Variants in PTPRD observed in about 807,000 individuals in gnomAD.
PTPRD encodes receptor-type tyrosine-protein phosphatase delta.
Under a neutral mutation model 214.5 loss-of-function variants are expected in PTPRD, and 34 were observed. The observed-to-expected ratio is 0.16, with a 90% CI of 0.12 to 0.21. The LOEUF (loss-of-function observed/expected upper bound fraction) is 0.21. Ranked by LOEUF, PTPRD falls within the 10% of genes least tolerant of loss-of-function variation. PTPRD has a pLI of 1.00. For missense variants in PTPRD, 2,545 were observed against 2,398.7 expected (o/e 1.06, Z -1.27); for synonymous variants, 1,128 against 845.7 (o/e 1.33, Z -5.79).
chr9:9,045,550 AG>A (rs1348827557), intron 10 of PTPRD, among the ~76,000 whole-genome samples: 1 of 152,190 alleles, frequency 6.6e-6, no homozygotes, highest in Non-Finnish European at 1.5e-5. Context: ...TGCAGGAGCA[AG>A]AACAGCCCAT....
chr9:10,502,756 A>G (rs2044210462), intron 2 of PTPRD, among the ~76,000 whole-genome samples: 1 of 152,098 alleles, frequency 6.6e-6, no homozygotes, highest in African/African-American at 2.4e-5. Flanking sequence ...GTAGTTATCT[A>G]GCAAAGAAAC....
intron 7 of PTPRD, among the ~76,000 whole-genome samples, chr9:9,607,616 C>T (rs1285142487): frequency 3.3e-5 from 5 of 152,056 alleles, no homozygotes; most frequent in Non-Finnish European, 5.9e-5. Flanking sequence ...ATTTGAAACG[C>T]CTGAGAGGAG....
chr9:8,396,472 T>C (rs1195455956), intron 36 of PTPRD, among the ~76,000 whole-genome samples: 1 of 151,958 alleles, frequency 6.6e-6, no homozygotes, highest in Non-Finnish European at 1.5e-5. Context: ...CTCAGAGTAA[T>C]GAAGTGTAGA....
At chr9:9,908,596 G>A (rs1936990300) in intron 5 of PTPRD, among the ~76,000 whole-genome samples, 2 of 151,964 alleles carry the variant, frequency 1.3e-5, no homozygotes, top group Non-Finnish European at 2.9e-5. Flanking sequence ...TTCTGGATGA[G>A]GGAAATGGGT....
At chr9:10,420,839 T>C (rs1414005941) in intron 2 of PTPRD, among the ~76,000 whole-genome samples, 2 of 151,120 alleles carry the variant, frequency 1.3e-5, no homozygotes, top group Non-Finnish European at 3.0e-5. Flanking sequence ...AGGTACCTTC[T>C]TTTTTTTTAT....
Position 10,438,008 on chromosome 9 carries a change from C to CATATATATTATATATATATAT in PTPRD, c.-599-96992_-599-96991insATATATATATATAATATATAT, listed in dbSNP as rs1555347109. On this transcript the variant is annotated intron_variant, in intron 2 of 45. Transcript: ENST00000381196. Reference sequence around the variant, plus strand: ...CTGGACTATCAGCTCCCTAAGTCTACATATATATATATATATATATAGTGA... The same window carrying CATATATATTATATATATATAT: ...CTGGACTATCAGCTCCCTAAGTCTACATATATATTATATATATATATATATATATATATATATATATAGTGA... Among the ~76,000 whole-genome samples the CATATATATTATATATATATAT allele has an allele frequency of 1.6e-4, 20 of 125,150 alleles. 1 individual carries two copies. The highest frequency in any genetic ancestry group is 7.7e-4 in the African/African-American group (20 of 25,996). The allele number at this position is 125,150 out of a possible 152,430, so 82.1% of individuals were successfully genotyped here. A position where few individuals can be genotyped will look rare whatever the true frequency, so the allele number is the denominator to read the frequency against.
chr9:9,955,521 GTTTTGTTTTTTTTTT>G (rs374650099), intron 4 of PTPRD, among the ~76,000 whole-genome samples: 5,823 of 145,600 alleles, frequency 0.04, 147 homozygotes, highest in Non-Finnish European at 0.057. Flanking sequence ...GTTTTGTTTT[GTTTTGTTTTTTTTTT>G]TTTTTGAGAC....
chr9:8,755,196 A>G (rs538975127), intron 11 of PTPRD, among the ~76,000 whole-genome samples: 155 of 151,752 alleles, frequency 1.0e-3, no homozygotes, highest in Non-Finnish European at 2.0e-3. Flanking sequence ...GTTATACTCA[A>G]CAATAACTTA....
chr9:10,473,330 C>A (rs2099043144), intron 2 of PTPRD, among the ~76,000 whole-genome samples: 1 of 152,058 alleles, frequency 6.6e-6, no homozygotes, highest in Non-Finnish European at 1.5e-5. Context: ...ATCTTCCCCT[C>A]AAAATCTGTG....
At chr9:9,348,047 A>G (rs1012994923) in intron 9 of PTPRD, among the ~76,000 whole-genome samples, 4 of 152,160 alleles carry the variant, frequency 2.6e-5, no homozygotes, top group Admixed American at 6.6e-5. Flanking sequence ...ACTTTGTTTA[A>G]AAAAGCAAAA....
At chr9:10,541,323 T>C (rs1042737501) in intron 2 of PTPRD, among the ~76,000 whole-genome samples, 3 of 152,120 alleles carry the variant, frequency 2.0e-5, no homozygotes, top group African/African-American at 7.2e-5. Flanking sequence ...CAGAAAAACA[T>C]ATCCAATTGA....
intron 8 of PTPRD, among the ~76,000 whole-genome samples, chr9:9,548,064 G>A (rs1462875413): frequency 2.6e-5 from 4 of 151,808 alleles, no homozygotes; most frequent in Non-Finnish European, 4.4e-5. Flanking sequence ...CTAAAATGAA[G>A]TTGAAATAAA....
chr9:10,024,825 C>G (rs10809014), intron 4 of PTPRD, among the ~76,000 whole-genome samples: 1 of 137,034 alleles, frequency 7.3e-6, no homozygotes, highest in Non-Finnish European at 1.6e-5. Context: ...GTTCCCCTTC[C>G]TGTGTCCATG....
chr9:8,359,415 C>A (rs937356305), intron 39 of PTPRD, among the ~76,000 whole-genome samples: 1 of 151,882 alleles, frequency 6.6e-6, no homozygotes, highest in Non-Finnish European at 1.5e-5. Flanking sequence ...ACTTCCACCT[C>A]CCAGGTTCAA....
At chr9:9,241,744 A>C (rs2099970461) in intron 9 of PTPRD, among the ~76,000 whole-genome samples, 1 of 151,520 alleles carries the variant, frequency 6.6e-6, no homozygotes, top group Admixed American at 6.6e-5. Context: ...GTGTCTCTCC[A>C]TACGAGATGG....
chr9:8,526,949 T>A (rs1162975742), intron 16 of PTPRD, among the ~76,000 whole-genome samples: 1 of 146,614 alleles, frequency 6.8e-6, no homozygotes, highest in Admixed American at 7.0e-5. Context: ...CTTATATGCC[T>A]CATATCTCTT....
At chr9:9,445,908 G>T (rs190699747) in intron 8 of PTPRD, among the ~76,000 whole-genome samples, 7 of 152,280 alleles carry the variant, frequency 4.6e-5, no homozygotes, top group Admixed American at 1.3e-4. Flanking sequence ...AAATGTGTAA[G>T]AAATGGTTCC....
chr9:8,753,447 G>T (rs777184570), intron 11 of PTPRD, among the ~76,000 whole-genome samples: 2 of 152,314 alleles, frequency 1.3e-5, no homozygotes, highest in Middle Eastern at 3.4e-3. Flanking sequence ...AAGCAGAAAA[G>T]TTTTCACTCA....
At chr9:9,720,388 T>C (rs2097914371) in intron 7 of PTPRD, among the ~76,000 whole-genome samples, 3 of 152,100 alleles carry the variant, frequency 2.0e-5, no homozygotes, top group African/African-American at 7.2e-5. Context: ...TGGAGAAAAA[T>C]ATCATTTCCA....
Sources: gnomAD v4.1 joint callset for allele counts (sites outside exome capture counted in the v4.1 genomes callset) on GRCh38, gnomAD v4.1.1 for gene constraint, MANE v1.5 for transcripts, NCBI Gene and HGNC (gene_info 2026-07-23, HGNC 2026-07-21) for gene names.